TLCD3B: variants seen among roughly 807,000 people sequenced by gnomAD.
TLCD3B encodes the protein TLC domain containing 3B.
In TLCD3B, 9 loss-of-function variants were observed where a neutral mutation model predicts 23.0. That is an observed-to-expected ratio of 0.39 (90% confidence interval 0.24 to 0.68). The LOEUF (loss-of-function observed/expected upper bound fraction) is 0.68, where lower values mean the gene tolerates loss of function less well. Among genes scored for constraint, TLCD3B ranks in the 30% least tolerant of loss-of-function variants. The pLI is 0.44. For synonymous variants in TLCD3B, 161 were observed against 161.0 expected, an observed-to-expected ratio of 1.00 and a Z score of 0.00; for missense variants, 307 against 371.8, an observed-to-expected ratio of 0.83 and a Z score of 1.43.
rs138064628 is a variant in TLCD3B, at chr16:30,026,929, G to A, written c.210-86C>T. 21 of 1,150,750 alleles carry A rather than the reference G, an allele frequency of 1.8e-5. No individual in the cohort carries two copies. In the East Asian group the frequency reaches 4.7e-4, roughly 26 times the overall value. The allele number at this position is 1,150,750 out of a possible 1,614,324, so 71.3% of individuals were successfully genotyped here. On this transcript the variant is annotated intron_variant, in intron 2 of 4. Coordinates refer to ENST00000380495, the MANE Select transcript of TLCD3B (RefSeq NM_031478.6). ...TCAGATCTCAGGGGTCAGCACAGCAGCCCTGGACAGGAGCGGAGTCTTGGG... is the reference window on the plus strand; with the variant it reads ...TCAGATCTCAGGGGTCAGCACAGCAACCCTGGACAGGAGCGGAGTCTTGGG...
chr16:30,050,765 C>T (rs925065095), intron 1 of TLCD3B, among the ~76,000 whole-genome samples: 5 of 152,114 alleles, frequency 3.3e-5, no homozygotes, highest in African/African-American at 9.7e-5. Flanking sequence ...TGGCAGTTTC[C>T]GTGGCTGCCT....
upstream of TLCD3B, chr16:30,036,128 C>A: frequency 7.9e-7 from 1 of 1,261,314 alleles, no homozygotes; most frequent in Non-Finnish European, 1.0e-6. Flanking sequence ...CACCCTAAGT[C>A]ACCTCTACCT....
intron 1 of TLCD3B, chr16:30,052,683 C>A (rs777661612): frequency 4.0e-5 from 6 of 150,334 alleles, no homozygotes; most frequent in Non-Finnish European, 7.4e-5. Context: ...GGCGACAGAG[C>A]GAGACTCCGT....
Position 30,024,633 on chromosome 16 carries a change from C to T in TLCD3B, c.*550G>A. On this transcript the variant is annotated 3_prime_UTR_variant, in exon 5 of 5. Transcript: ENST00000380495. ...CACTGGGAAGGCTTGGGGGTAGCAG[C>T]CACCTCCTTCCCCCAACCCAACAGA... 1 of 239,208 alleles carries T rather than the reference C, an allele frequency of 4.2e-6. No homozygotes were observed. 14.8% of individuals were successfully genotyped at this position (239,208 alleles called of 1,614,324 possible).
rs1286262030 is a variant in TLCD3B at position 30,052,354 on chromosome 16, G to A, written c.-294+420C>T. Among the ~76,000 whole-genome samples the A allele has an allele frequency of 3.3e-5, 5 of 151,574 alleles. No individual in the cohort carries two copies. In the East Asian group the frequency reaches 5.8e-4, roughly 18 times the overall value. Reference sequence around the variant, plus strand: ...TTGCACTCCAGCCTGGGAGATGAGCGAAAATCTGTCTCCAAAAAATAAATA... The same window carrying A: ...TTGCACTCCAGCCTGGGAGATGAGCAAAAATCTGTCTCCAAAAAATAAATA... On this transcript the variant is annotated intron_variant, in intron 1 of 6. Coordinates refer to the TLCD3B transcript ENST00000561666.
At chr16:30,041,419 G>A (rs2071578395) in intron 2 of TLCD3B, among the ~76,000 whole-genome samples, 1 of 151,928 alleles carries the variant, frequency 6.6e-6, no homozygotes. Flanking sequence ...GATTACAGGT[G>A]CATGCTACCA....
At chr16:30,046,307 T>C (rs1596779805) in intron 2 of TLCD3B, 1 of 152,234 alleles carries the variant, frequency 6.6e-6, no homozygotes, top group Non-Finnish European at 1.5e-5. Flanking sequence ...CAATTTACCC[T>C]TGGCCTTGAG....
chr16:30,024,527 G>C lies in TLCD3B; in HGVS notation c.*656C>G. ...AAGCCTTGAGAGGTCAGTAGCACCA[G>C]GGACATGGCAGGGCCCGAGGGCGCG... On this transcript the variant is annotated 3_prime_UTR_variant, in exon 5 of 5. Coordinates refer to ENST00000380495, the MANE Select transcript of TLCD3B (RefSeq NM_031478.6). 1 of 476,740 alleles carries C rather than the reference G, an allele frequency of 2.1e-6. No homozygotes were observed. Among genetic ancestry groups the C allele is most frequent in the Admixed American group, 3.7e-5 (1 of 27,350 alleles). 29.5% of individuals were successfully genotyped at this position (476,740 alleles called of 1,614,324 possible). A position where few individuals can be genotyped will look rare whatever the true frequency, so the allele number is the denominator to read the frequency against.
At chr16:30,039,428 C>T (rs188278734) in intron 3 of TLCD3B, among the ~76,000 whole-genome samples, 101 of 151,236 alleles carry the variant, frequency 6.7e-4, no homozygotes, top group African/African-American at 2.4e-3. Flanking sequence ...CGGCTTCTTC[C>T]TCATATTCTT....
chr16:30,034,765 C>T (rs1014360714), upstream of TLCD3B, among the ~76,000 whole-genome samples: 7 of 152,120 alleles, frequency 4.6e-5, no homozygotes, highest in South Asian at 8.3e-4. Context: ...GCTCTACAGA[C>T]GCTGATTCAT....
intron 2 of TLCD3B, among the ~76,000 whole-genome samples, chr16:30,027,906 A>C (rs1264757285): frequency 6.6e-6 from 1 of 152,202 alleles, no homozygotes; most frequent in Non-Finnish European, 1.5e-5. Context: ...GCTGTGGAGA[A>C]GTTGGGGCTG....
chr16:30,029,475 C>A lies in TLCD3B; in HGVS notation c.166G>T (p.Gly56Cys). ...SVQAIMASTA[G>C]YIVSTSCKHI... ...TTGCAGGAGGTGGAGACGATGTAGC[C>A]GGCAGTGGAGGCCATGATGGCCTGG... Residue 56 changes from glycine (G) to cysteine (C), a missense_variant, in exon 2 of 5, where the codon GGC (glycine) becomes TGC (cysteine). Gly to Cys is a radical substitution (Grantham distance 159, BLOSUM62 -3). Transcript: ENST00000380495. This position sits in a 1 kb window ranked among gnomAD's most constrained non-coding sequence, Gnocchi z 4.6. The A allele has an allele frequency of 6.2e-7, 1 of 1,613,990 alleles. No individual in the cohort carries two copies. The highest frequency in any genetic ancestry group is 8.5e-7 in the Non-Finnish European group (1 of 1,179,952).
At chr16:30,045,905 A>G (rs1316031702) in intron 2 of TLCD3B, among the ~76,000 whole-genome samples, 1 of 152,026 alleles carries the variant, frequency 6.6e-6, no homozygotes, top group African/African-American at 2.4e-5. Context: ...GCCAGAAAGC[A>G]TGGGGCCAGG....
upstream of TLCD3B, among the ~76,000 whole-genome samples, chr16:30,034,410 C>A (rs1244162877): frequency 6.6e-4 from 76 of 116,000 alleles, no homozygotes; most frequent in African/African-American, 8.9e-4. Context: ...CTGTCTCTAC[C>A]AAAAAAAAAA....
At chr16:30,038,911 TA>T (rs2071525156) in intron 3 of TLCD3B, among the ~76,000 whole-genome samples, 1 of 152,078 alleles carries the variant, frequency 6.6e-6, no homozygotes, top group African/African-American at 2.4e-5. Flanking sequence ...AGGAAGTGAA[TA>T]AAAATTTTTT....
Position 30,030,480 on chromosome 16 carries a change from G to A in TLCD3B, c.48C>T (p.Phe16=), listed in dbSNP as rs762364301. 2 of 1,606,952 alleles carry A rather than the reference G, an allele frequency of 1.2e-6. No homozygotes were observed. Among genetic ancestry groups the A allele is most frequent in the African/African-American group, 1.3e-5 (1 of 74,494 alleles). The change falls in exon 1 of 5, where the codon TTC becomes TTT. Residue 16 remains phenylalanine (F), a synonymous_variant. Transcript: ENST00000380495. ...VAGGVVFPGL[F]LLSKNTLQRL... is the part of the protein sequence containing the mutation. ...GCTGGAGCGTGTTCTTGGAGAGGAG[G>A]AAGAGTCCGGGGAACACCACCCCCC... is the stretch of plus-strand genomic sequence containing the variant.
chr16:30,026,873 C>A, intron 2 of TLCD3B, 30 bp from the exon 3 acceptor site: 1 of 1,592,052 alleles, frequency 6.3e-7, no homozygotes, highest in Non-Finnish European at 8.6e-7. Flanking sequence ...GGTGGGGGAG[C>A]AAGGAGGAAA....
chr16:30,037,475 G>A (rs1282827951), intron 3 of TLCD3B, among the ~76,000 whole-genome samples: 3 of 150,916 alleles, frequency 2.0e-5, no homozygotes, highest in African/African-American at 4.9e-5. Context: ...CCTGGGAGGC[G>A]GAGCTTGCAG....
intron 1 of TLCD3B, among the ~76,000 whole-genome samples, chr16:30,049,797 C>G (rs917053790): frequency 6.6e-6 from 1 of 151,986 alleles, no homozygotes; most frequent in Non-Finnish European, 1.5e-5. Flanking sequence ...TGGTGGCATG[C>G]GTCTGTAATC....
Sources: gnomAD v4.1 joint callset for allele counts (sites outside exome capture counted in the v4.1 genomes callset) on GRCh38, gnomAD v4.1.1 for gene constraint, Gnocchi (gnomAD v3.1) non-coding constraint, MANE v1.5 for transcripts, NCBI Gene and HGNC (gene_info 2026-07-23, HGNC 2026-07-21) for gene names.